The following CNTN4 variants were observed in gnomAD, a reference collection of about 807,000 sequenced individuals.
The protein encoded by CNTN4 is contactin-4.
In CNTN4, 77 loss-of-function variants were observed where a neutral mutation model predicts 122.5. That is an observed-to-expected ratio of 0.63 (90% confidence interval 0.52 to 0.76). CNTN4 has a LOEUF of 0.76. Ranked by LOEUF, CNTN4 falls within the 30% of genes least tolerant of loss-of-function variation. The pLI is 0.00. For synonymous variants in CNTN4, 512 were observed against 447.0 expected (o/e 1.15, Z -1.83); for missense variants, 1,256 against 1,259.1 (o/e 1.00, Z 0.04).
chr3:2,194,327 G>T (rs1455262804), intron 2 of CNTN4, among the ~76,000 whole-genome samples: 3 of 151,872 alleles, frequency 2.0e-5, no homozygotes, highest in Admixed American at 6.6e-5. Context: ...CAGGTGTGGT[G>T]GTGTGCTCCT....
chr3:2,676,211 G>C (rs573697139), intron 4 of CNTN4, among the ~76,000 whole-genome samples: 1 of 151,756 alleles, frequency 6.6e-6, no homozygotes, highest in Non-Finnish European at 1.5e-5. Context: ...AGATGTAACC[G>C]ACTGAGTGGT....
In CNTN4 at chr3:2,205,962, G is replaced by T. The variant is rs2038322232; in HGVS notation, c.-145+105323G>T. On this transcript the variant is annotated intron_variant, in intron 2 of 24. Transcript: ENST00000418658. The stretch of plus-strand genomic sequence containing the variant: ...ACAACTGAATGCATTTTATTACTTT[G>T]CATTTAAAGTAGGAAGGTGGCAAAT... 1.3e-5 allele frequency among the ~76,000 whole-genome samples: 2 copies of T among 152,092 alleles called. 1 individual carries two copies. The highest frequency in any genetic ancestry group is 1.3e-4 in the Admixed American group (2 of 15,232).
At chr3:2,230,126 T>A (rs147361237) in intron 2 of CNTN4, among the ~76,000 whole-genome samples, 4 of 152,342 alleles carry the variant, frequency 2.6e-5, no homozygotes, top group African/African-American at 9.6e-5. Context: ...CAGCTGTGAC[T>A]TAAGATTGAA....
In CNTN4 at chr3:2,200,312, T is replaced by C. The variant is rs554214018; in HGVS notation, c.-145+99673T>C. 5.9e-5 allele frequency among the ~76,000 whole-genome samples: 9 copies of C among 152,284 alleles called. 1 individual carries two copies. Among genetic ancestry groups the C allele is most frequent in the Admixed American group, 5.9e-4 (9 of 15,278 alleles). ...GAGAAATCAAAGTCTTAGTAAACTT[T>C]GGTAAGTCACTTAAATATTTCTAGT... On this transcript the variant is annotated intron_variant, in intron 2 of 24. Transcript: ENST00000418658.
intron 3 of CNTN4, among the ~76,000 whole-genome samples, chr3:2,517,767 A>G (rs7626087): frequency 0.21 from 31,964 of 152,068 alleles, 3,605 homozygotes; most frequent in African/African-American, 0.27. Flanking sequence ...CCTTTCAGAT[A>G]GGTAAAGCTG....
intron 2 of CNTN4, among the ~76,000 whole-genome samples, chr3:2,125,250 A>G (rs1300726078): frequency 6.6e-6 from 1 of 152,002 alleles, no homozygotes; most frequent in Non-Finnish European, 1.5e-5. Context: ...TTCACTTAGC[A>G]TACTGTCTTC....
chr3:2,132,198 G>A (rs2034482993), intron 2 of CNTN4, among the ~76,000 whole-genome samples: 1 of 152,148 alleles, frequency 6.6e-6, no homozygotes, highest in African/African-American at 2.4e-5. Flanking sequence ...TGGCCAGCCA[G>A]CTGCTATTCT....
chr3:2,158,681 A>G (rs2035828032), intron 2 of CNTN4, among the ~76,000 whole-genome samples: 1 of 152,210 alleles, frequency 6.6e-6, no homozygotes, highest in African/African-American at 2.4e-5. Context: ...AGCATAGATG[A>G]GTTTTTGAGC....
chr3:2,540,542 A>G (rs988722426), intron 3 of CNTN4, among the ~76,000 whole-genome samples: 5 of 152,076 alleles, frequency 3.3e-5, no homozygotes, highest in East Asian at 1.9e-4. Flanking sequence ...GCCTACTGCT[A>G]TGGACATTTT....
chr3:2,775,288 T>C (rs2091270454), intron 6 of CNTN4, among the ~76,000 whole-genome samples: 1 of 152,110 alleles, frequency 6.6e-6, no homozygotes, highest in African/African-American at 2.4e-5. Context: ...CCTCATCTCT[T>C]CTCCTCCCGT....
chr3:2,685,054 A>G (rs2085361344), intron 4 of CNTN4, among the ~76,000 whole-genome samples: 1 of 152,194 alleles, frequency 6.6e-6, no homozygotes, highest in Admixed American at 6.5e-5. Flanking sequence ...CATGGCAATT[A>G]GCTTTGGTCA....
intron 2 of CNTN4, among the ~76,000 whole-genome samples, chr3:2,101,322 C>G (rs560220190): frequency 1.3e-5 from 2 of 152,136 alleles, no homozygotes; most frequent in African/African-American, 4.8e-5. Flanking sequence ...AAAAATAAAG[C>G]TGCTCAGCAG....
intron 2 of CNTN4, among the ~76,000 whole-genome samples, chr3:2,189,325 A>G (rs186632550): frequency 2.6e-5 from 4 of 152,278 alleles, no homozygotes; most frequent in East Asian, 1.9e-4. Context: ...GCCTGCCGCT[A>G]GAAGGCTGAC....
intron 4 of CNTN4, among the ~76,000 whole-genome samples, chr3:2,601,579 A>G (rs1559291141): frequency 6.6e-6 from 1 of 152,138 alleles, no homozygotes. Context: ...CTGTTTTGGT[A>G]CCAGTACCAT....
chr3:2,474,485 TC>T (rs1443881018), intron 3 of CNTN4, among the ~76,000 whole-genome samples: 3 of 152,330 alleles, frequency 2.0e-5, no homozygotes, highest in African/African-American at 7.2e-5. Flanking sequence ...GAAATTAATT[TC>T]TTCAGACATT....
At chr3:2,625,058 G>T (rs1023083949) in intron 4 of CNTN4, among the ~76,000 whole-genome samples, 1 of 152,132 alleles carries the variant, frequency 6.6e-6, no homozygotes, top group Non-Finnish European at 1.5e-5. Context: ...TAGGGATGTG[G>T]TGAAGGCTAA....
At chr3:2,753,460 A>G (rs575252984) in intron 6 of CNTN4, among the ~76,000 whole-genome samples, 62 of 152,326 alleles carry the variant, frequency 4.1e-4, no homozygotes, top group African/African-American at 1.4e-3. Context: ...ACACAACCCA[A>G]TGAAGCACAG....
At chr3:2,721,776 C>T (rs1330038087) in intron 4 of CNTN4, among the ~76,000 whole-genome samples, 1 of 152,122 alleles carries the variant, frequency 6.6e-6, no homozygotes, top group African/African-American at 2.4e-5. Flanking sequence ...AAGGACTTCA[C>T]TGTCAACTCT....
intron 10 of CNTN4, among the ~76,000 whole-genome samples, chr3:2,900,176 G>C (rs1289029500): frequency 6.6e-6 from 1 of 152,156 alleles, no homozygotes; most frequent in Non-Finnish European, 1.5e-5. Context: ...CAATCAGTGT[G>C]AAGGGAAAAA....
Sources: gnomAD v4.1 joint callset for allele counts (sites outside exome capture counted in the v4.1 genomes callset) on GRCh38, gnomAD v4.1.1 for gene constraint, MANE v1.5 for transcripts, NCBI Gene and HGNC (gene_info 2026-07-23, HGNC 2026-07-21) for gene names.